PALS2: variants seen among roughly 807,000 people sequenced by gnomAD.
PALS2 encodes the protein protein associated with LIN7 2, MAGUK p55 family member, also known as protein PALS2.
A neutral mutation model predicts 61.6 loss-of-function variants in PALS2; 27 were observed. The ratio of observed to expected loss-of-function variants is 0.44; its 90% CI spans 0.32 to 0.60. PALS2 has a LOEUF of 0.60. Among genes scored for constraint, PALS2 ranks in the 20% least tolerant of loss-of-function variants. The pLI, the probability that PALS2 is intolerant of heterozygous loss-of-function variation, is 0.05. For missense variants in PALS2, 554 were observed against 639.4 expected (o/e 0.87, Z 1.44); for synonymous variants, 236 against 218.6 (o/e 1.08, Z -0.70).
At chr7:24,668,692 T>C (rs765178633) in intron 9 of PALS2, 32 bp downstream of exon 9, 1 of 1,610,186 alleles carries the variant, frequency 6.2e-7, no homozygotes, top group Non-Finnish European at 8.5e-7. Context: ...TGCTATGCAA[T>C]TGGCAGGAAA....
intron 2 of PALS2, among the ~76,000 whole-genome samples, chr7:24,636,073 A>C (rs1454231913): frequency 2.0e-5 from 3 of 151,904 alleles, no homozygotes; most frequent in Non-Finnish European, 4.4e-5. Flanking sequence ...TTAGCCAGGC[A>C]TGGTGGCGCA....
chr7:24,591,724 A>G (rs912554339), intron 1 of PALS2, among the ~76,000 whole-genome samples: 2 of 152,136 alleles, frequency 1.3e-5, no homozygotes, highest in Admixed American at 1.3e-4. Context: ...CTTTAGTCAC[A>G]GTATGTTCAT....
intron 1 of PALS2, among the ~76,000 whole-genome samples, chr7:24,619,675 G>A (rs557277388): frequency 3.3e-4 from 47 of 144,018 alleles, no homozygotes; most frequent in African/African-American, 1.2e-3. Flanking sequence ...CCGAGATCCC[G>A]CCACTGCACT....
chr7:24,602,894 G>T (rs1008389560), intron 1 of PALS2, among the ~76,000 whole-genome samples: 1 of 152,124 alleles, frequency 6.6e-6, no homozygotes, highest in Admixed American at 6.6e-5. Context: ...AGATCTGATG[G>T]TTATATAAGC....
intron 2 of PALS2, among the ~76,000 whole-genome samples, chr7:24,640,448 C>T (rs1785466135): frequency 1.3e-5 from 2 of 152,086 alleles, no homozygotes; most frequent in Non-Finnish European, 2.9e-5. Flanking sequence ...GTTTAGGTAT[C>T]TGAAAAAGTT....
chr7:24,650,574 G>A lies in PALS2; in HGVS notation c.513G>A (p.Val171=), dbSNP rs1786089119. 1 of 1,613,316 alleles carries A rather than the reference G, an allele frequency of 6.2e-7. No individual in the cohort carries two copies. The highest frequency in any genetic ancestry group is 8.5e-7 in the Non-Finnish European group (1 of 1,179,484). The part of the protein sequence containing the change: ...GMIDRQGLLH[V]GDIIKEVNGH... ...TAGATCGACAAGGTCTACTTCATGT[G>A]GGAGATATAATTAAAGAAGTCAATG... Residue 171 remains valine, a synonymous_variant, in exon 5 of 12, where the codon GTG becomes GTA. Transcript: ENST00000222644.
At chr7:24,671,912 A>G (rs1283695207) in intron 9 of PALS2, among the ~76,000 whole-genome samples, 2 of 151,864 alleles carry the variant, frequency 1.3e-5, no homozygotes, top group Non-Finnish European at 2.9e-5. Flanking sequence ...GTCTGTCCTT[A>G]TGCCAGTCCC....
intron 1 of PALS2, among the ~76,000 whole-genome samples, chr7:24,590,218 G>A (rs1044552495): frequency 1.3e-5 from 2 of 152,142 alleles, no homozygotes; most frequent in African/African-American, 4.8e-5. Context: ...TAGATGATAA[G>A]ATTTTTCAAT....
chr7:24,582,578 G>A (rs952968603), intron 1 of PALS2, among the ~76,000 whole-genome samples: 4 of 151,834 alleles, frequency 2.6e-5, no homozygotes, highest in African/African-American at 9.7e-5. Flanking sequence ...ATTATTTGAA[G>A]TTTGAATGTG....
At chr7:24,611,678 A>G (rs1784117679) in intron 1 of PALS2, among the ~76,000 whole-genome samples, 1 of 152,066 alleles carries the variant, frequency 6.6e-6, no homozygotes, top group African/African-American at 2.4e-5. Context: ...AGGAGAAGTT[A>G]TCCTAATTAG....
intron 1 of PALS2, among the ~76,000 whole-genome samples, chr7:24,589,636 A>AG (rs1422677544): frequency 6.6e-6 from 1 of 152,112 alleles, no homozygotes; most frequent in Non-Finnish European, 1.5e-5. Context: ...ACCTGGAGGG[A>AG]GGAATTTATG....
At chr7:24,671,122 T>C (rs1006177717) in intron 9 of PALS2, among the ~76,000 whole-genome samples, 1 of 152,202 alleles carries the variant, frequency 6.6e-6, no homozygotes, top group African/African-American at 2.4e-5. Flanking sequence ...ACAGCAGCTG[T>C]GTATATACCC....
chr7:24,602,613 T>G (rs1380926050), intron 1 of PALS2, among the ~76,000 whole-genome samples: 1 of 152,176 alleles, frequency 6.6e-6, no homozygotes, highest in Non-Finnish European at 1.5e-5. Context: ...GGGGTTTGTA[T>G]CAGCATTTAA....
At chr7:24,600,322 C>T (rs370491309) in intron 1 of PALS2, among the ~76,000 whole-genome samples, 25 of 151,976 alleles carry the variant, frequency 1.6e-4, no homozygotes, top group Admixed American at 1.3e-3. Flanking sequence ...AGTCTTTGGT[C>T]GACTGAAATA....
At position 24,654,163 on chromosome 7, in the gene PALS2, A is replaced by T. The variant is rs181099026; in HGVS notation, c.651+3451A>T. Among the ~76,000 whole-genome samples, 11 of 152,166 alleles carry T rather than the reference A, an allele frequency of 7.2e-5. No individual in the cohort carries two copies. The East Asian group carries it at 2.1e-3, about 29-fold the overall frequency. ...TATATACAGTTATTTATTGGCAATTAATTAGCCAGAAAATAGTTTAAAACA... is the reference window on the plus strand; with the variant it reads ...TATATACAGTTATTTATTGGCAATTTATTAGCCAGAAAATAGTTTAAAACA... On this transcript the variant is annotated intron_variant, in intron 5 of 11. Transcript: ENST00000222644.
At chr7:24,606,958 T>G (rs1783922126) in intron 1 of PALS2, among the ~76,000 whole-genome samples, 1 of 152,186 alleles carries the variant, frequency 6.6e-6, no homozygotes, top group Non-Finnish European at 1.5e-5. Context: ...GCTTTTAATT[T>G]TGTGCATGAA....
At chr7:24,610,286 G>C (rs551180358) in intron 1 of PALS2, among the ~76,000 whole-genome samples, 1 of 152,088 alleles carries the variant, frequency 6.6e-6, no homozygotes, top group Non-Finnish European at 1.5e-5. Context: ...GTAGAATGCA[G>C]GTTCTTTACC....
chr7:24,598,863 A>G (rs1783615038), intron 1 of PALS2, among the ~76,000 whole-genome samples: 1 of 152,224 alleles, frequency 6.6e-6, no homozygotes, highest in African/African-American at 2.4e-5. Flanking sequence ...ATGCCTTTGA[A>G]GAAGATAATT....
chr7:24,665,749 T>A, intron 7 of PALS2, 62 bp downstream of exon 7: 1 of 1,444,598 alleles, frequency 6.9e-7, no homozygotes, highest in Non-Finnish European at 9.7e-7. Flanking sequence ...TTTGTCTCTT[T>A]TGTCTAAATA....
Sources: gnomAD v4.1 joint callset for allele counts (sites outside exome capture counted in the v4.1 genomes callset) on GRCh38, gnomAD v4.1.1 for gene constraint, MANE v1.5 for transcripts, NCBI Gene and HGNC (gene_info 2026-07-23, HGNC 2026-07-21) for gene names.